SLU7: variants seen among roughly 807,000 people sequenced by gnomAD.
The protein encoded by SLU7 is spliceosome associated SLU7.
A neutral mutation model predicts 87.0 loss-of-function variants in SLU7; 60 were observed. That is an observed-to-expected ratio of 0.69 (90% CI 0.56 to 0.86). The LOEUF is 0.86. SLU7 is among the 40% of genes least tolerant of loss of function. The pLI is 0.00. For missense variants in SLU7, 507 were observed against 686.6 expected, an observed-to-expected ratio of 0.74 and a Z score of 2.92; for synonymous variants, 197 against 222.0, an observed-to-expected ratio of 0.89 and a Z score of 1.00.
At position 160,408,674 on chromosome 5, in the gene SLU7, T is replaced by C; in HGVS notation, c.663A>G (p.Gly221=). The C allele has an allele frequency of 6.4e-7, 1 of 1,570,578 alleles. No individual in the cohort carries two copies. The highest frequency in any genetic ancestry group is 8.7e-7 in the Non-Finnish European group (1 of 1,150,062). The change falls in exon 7 of 16, where the codon GGA becomes GGG. Residue 221 remains glycine, a synonymous_variant. Coordinates refer to ENST00000297151, the MANE Select transcript of SLU7 (RefSeq NM_006425.5). Reference sequence around the variant, plus strand: ...CCATCTGAGAATTTGGTTCCTCTTCTCCCCACTGGTGTTTTGGAGAATTCT... The same window carrying C: ...CCATCTGAGAATTTGGTTCCTCTTCCCCCCACTGGTGTTTTGGAGAATTCT... The part of the protein sequence containing the change: ...EQANSPKHQW[G]EEEPNSQMEK...
intron 2 of SLU7, 71 bp from the exon 3 acceptor site, chr5:160,414,543 G>C (rs994735180): frequency 4.0e-5 from 40 of 1,011,082 alleles, no homozygotes; most frequent in Middle Eastern, 2.8e-4. Context: ...CAATTACAAA[G>C]GTAGCTTATA....
Position 160,403,240 on chromosome 5 carries a change from G to T in SLU7, c.*45C>A. 7.4e-7 allele frequency: 1 copy of T among 1,352,288 alleles called. No individual in the cohort carries two copies. The highest frequency in any genetic ancestry group is 1.0e-6 in the Non-Finnish European group (1 of 994,538). 83.8% of individuals were successfully genotyped at this position (1,352,288 alleles called of 1,614,324 possible). ...ACAATCATCAATAAGAAGCTGAAAA[G>T]AATGTATCAGCTGCATCTATCTTGG... On this transcript the variant is annotated 3_prime_UTR_variant, in exon 16 of 16. Transcript: ENST00000297151.
rs1279943897 is a variant in SLU7, at chr5:160,408,401, C to G, written c.747G>C (p.Met249Ile). Residue 249 changes from methionine to isoleucine, a missense_variant, in exon 8 of 16, where the codon ATG (methionine) becomes ATC (isoleucine). By Grantham distance (10) the Met-to-Ile change is conservative. Around this residue, in one of 6 missense-constraint regions of SLU7, gnomAD observed 49 missense variants for 144.1 expected, o/e 0.34. Transcript: ENST00000297151. The stretch of plus-strand genomic sequence containing the variant: ...TCTTGGAGTCAAAATTCTGTCCAGG[C>G]ATGTCAATATCATCTGCATATTTAT... ...DEDKYADDID[M>I]PGQNFDSKRR... 6.2e-7 allele frequency: 1 copy of G among 1,611,048 alleles called. No homozygotes were observed. Among genetic ancestry groups the G allele is most frequent in the Non-Finnish European group, 8.5e-7 (1 of 1,178,282 alleles).
chr5:160,408,830 A>G (rs1373200162), intron 6 of SLU7, 133 bp from the exon 7 acceptor site: 1 of 168,476 alleles, frequency 5.9e-6, no homozygotes, highest in African/African-American at 2.5e-5. Flanking sequence ...ATTTTATTAT[A>G]TATTATATTT....
rs370891618 is a variant in SLU7 at position 160,413,454 on chromosome 5, A to C, written c.570+2T>G. The C allele has an allele frequency of 6.2e-7, 1 of 1,612,792 alleles. No homozygotes were observed. ...CCCAGGAAAGCAGGGAATTTTGCTC[A>C]CCAAATCAACTTTGGCATACTCTTC... On this transcript the variant is annotated splice_donor_variant, in intron 5 of 15. Transcript: ENST00000297151. LOFTEE classifies it high-confidence loss of function.
Position 160,408,634 on chromosome 5 carries a change from A to G in SLU7, c.687+16T>C. The G allele has an allele frequency of 1.3e-6, 2 of 1,507,718 alleles. No individual in the cohort carries two copies. Among genetic ancestry groups the G allele is most frequent in the South Asian group, 1.2e-5 (1 of 85,654 alleles). 93.4% of individuals were successfully genotyped at this position (1,507,718 alleles called of 1,614,324 possible). ...AAAAATTTAACATATACTCAGAGAC[A>G]GCAAATATGTATTACCATCTGAGAA... On this transcript the variant is annotated intron_variant, in intron 7 of 15. Coordinates refer to ENST00000297151, the MANE Select transcript of SLU7 (RefSeq NM_006425.5).
rs148818078 is a variant in SLU7, at chr5:160,410,541, A to C, written c.640-1844T>G. ...TACGTAACAAACCTGCACGTTGTGC[A>C]CATGTACCCTAAAACTTAAAGTATA... On this transcript the variant is annotated intron_variant, in intron 6 of 15. Coordinates refer to ENST00000297151, the MANE Select transcript of SLU7 (RefSeq NM_006425.5). Among the ~76,000 whole-genome samples the C allele has an allele frequency of 2.4e-3, 364 of 152,252 alleles. 4 individuals carry two copies. In the East Asian group the frequency reaches 0.043, roughly 18 times the overall value.
intron 14 of SLU7, 114 bp from the exon 15 acceptor site, chr5:160,404,670 G>A (rs1764929061): frequency 3.4e-6 from 3 of 875,736 alleles, no homozygotes; most frequent in Non-Finnish European, 5.4e-6. Flanking sequence ...AAGTTGCAGT[G>A]GGCCCAGACC....
intron 6 of SLU7, among the ~76,000 whole-genome samples, chr5:160,410,183 A>G (rs1765172939): frequency 6.6e-6 from 1 of 152,222 alleles, no homozygotes. Context: ...AGAGACCTGG[A>G]AAGGCCTACT....
intron 4 of SLU7, 136 bp downstream of exon 4, chr5:160,413,763 C>T: frequency 2.1e-6 from 2 of 954,784 alleles, no homozygotes; most frequent in Non-Finnish European, 3.1e-6. Flanking sequence ...GGTGTTGAAC[C>T]AATTCCACTG....
In SLU7 at chr5:160,402,940, G is replaced by A. The variant is rs2961936; in HGVS notation, c.*345C>T. Reference sequence around the variant, plus strand: ...TGAGGCAGGAGAATGGCGTGAACCTGGGAGGTGGAGCTTGCAGTGAGCCGA... The same window carrying A: ...TGAGGCAGGAGAATGGCGTGAACCTAGGAGGTGGAGCTTGCAGTGAGCCGA... On this transcript the variant is annotated 3_prime_UTR_variant, in exon 16 of 16. Transcript: ENST00000297151. 51,299 of 154,100 alleles carry A rather than the reference G, an allele frequency of 0.33. 8,842 individuals are homozygous for A. Among genetic ancestry groups the A allele is most frequent in the South Asian group, 0.4 (1,945 of 4,882 alleles). The allele number at this position is 154,100 out of a possible 1,614,324, so 9.5% of individuals were successfully genotyped here.
intron 6 of SLU7, among the ~76,000 whole-genome samples, chr5:160,410,559 A>G (rs961433263): frequency 6.6e-6 from 1 of 152,124 alleles, no homozygotes; most frequent in Non-Finnish European, 1.5e-5. Context: ...CCTAAAACTT[A>G]AAGTATATAA....
intron 6 of SLU7, among the ~76,000 whole-genome samples, chr5:160,409,721 T>A (rs908628432): frequency 6.6e-6 from 1 of 152,128 alleles, no homozygotes; most frequent in Non-Finnish European, 1.5e-5. Context: ...TTGCACTCCA[T>A]GGAACACTGA....
intron 2 of SLU7, 73 bp from the exon 3 acceptor site, chr5:160,414,545 T>C (rs960535536): frequency 1.2e-5 from 12 of 984,576 alleles, no homozygotes; most frequent in Admixed American, 1.1e-4. Flanking sequence ...ATTACAAAGG[T>C]AGCTTATACA....
At chr5:160,417,660 C>T (rs1300445913) in intron 1 of SLU7, among the ~76,000 whole-genome samples, 1 of 152,072 alleles carries the variant, frequency 6.6e-6, no homozygotes, top group African/African-American at 2.4e-5. Context: ...GGCGTGGTGG[C>T]GTGCACCTGT....
chr5:160,405,658 ATAC>A (rs1227385411), intron 12 of SLU7, among the ~76,000 whole-genome samples: 2 of 152,248 alleles, frequency 1.3e-5, no homozygotes, highest in Non-Finnish European at 2.9e-5. Context: ...CAATATGAAT[ATAC>A]TACATTACTT....
intron 7 of SLU7, 54 bp from the exon 8 acceptor site, chr5:160,408,514 C>A (rs1765099059): frequency 6.5e-7 from 1 of 1,549,356 alleles, no homozygotes; most frequent in South Asian, 1.2e-5. Context: ...GCATGTAGTT[C>A]TTTTTTTTCC....
Position 160,403,191 on chromosome 5 carries a change from G to T in SLU7, c.*94C>A, listed in dbSNP as rs1764857083. 2.1e-5 allele frequency: 20 copies of T among 969,378 alleles called. No individual in the cohort carries two copies. Among genetic ancestry groups the T allele is most frequent in the Non-Finnish European group, 3.0e-5 (20 of 673,594 alleles). The allele number at this position is 969,378 out of a possible 1,614,324, so 60.0% of individuals were successfully genotyped here. A position where few individuals can be genotyped will look rare whatever the true frequency, so the allele number is the denominator to read the frequency against. ...ATTTATTAAAGCCAGGCAGCAAGAAGAATAAACAAGGATTTTTCTATCTAC... is the reference window on the plus strand; with the variant it reads ...ATTTATTAAAGCCAGGCAGCAAGAATAATAAACAAGGATTTTTCTATCTAC... On this transcript the variant is annotated 3_prime_UTR_variant, in exon 16 of 16. Transcript: ENST00000297151.
rs1226555745 is a variant in SLU7 at position 160,404,967 on chromosome 5, G to A, written c.1392+64C>T. 5.3e-6 allele frequency: 8 copies of A among 1,514,722 alleles called. No homozygotes were observed. The Admixed American group carries it at 1.0e-4, about 19-fold the overall frequency. The allele number at this position is 1,514,722 out of a possible 1,614,324, so 93.8% of individuals were successfully genotyped here. ...TAAAATTTGAAACATGAGACAGCAT[G>A]TTTTAGTTTGACTTAGGAGCTTCGG... On this transcript the variant is annotated intron_variant, in intron 13 of 15. Transcript: ENST00000297151.
Sources: gnomAD v4.1 joint callset for allele counts (sites outside exome capture counted in the v4.1 genomes callset) on GRCh38, gnomAD v4.1.1 for gene constraint, gnomAD v4.1.1 regional missense constraint, MANE v1.5 for transcripts, NCBI Gene and HGNC (gene_info 2026-07-23, HGNC 2026-07-21) for gene names.